The following ZHX3 variants were observed in gnomAD, a reference collection of about 807,000 sequenced individuals.
ZHX3 encodes zinc fingers and homeoboxes 3.
In ZHX3, 20 loss-of-function variants were observed where a neutral mutation model predicts 64.5. The ratio of observed to expected loss-of-function variants is 0.31; its 90% CI spans 0.22 to 0.45. ZHX3 has a LOEUF of 0.45. Among genes scored for constraint, ZHX3 ranks in the 20% least tolerant of loss-of-function variants. The probability of loss-of-function intolerance (pLI) is 1.00; values close to 1 mark genes in which losing one functional copy is unlikely to be tolerated. For synonymous variants in ZHX3, 423 were observed against 461.6 expected (o/e 0.92, Z 1.07); for missense variants, 1,041 against 1,195.8 (o/e 0.87, Z 1.91).
Position 41,203,215 on chromosome 20 carries a change from T to A in ZHX3, c.1702A>T (p.Ile568Phe), listed in dbSNP as rs536280001. The A allele has an allele frequency of 1.2e-6, 2 of 1,614,076 alleles. No homozygotes were observed. Among genetic ancestry groups the A allele is most frequent in the African/African-American group, 2.7e-5 (2 of 74,986 alleles). ...MIPGDHSSIIIDSVPEVSFSP... is the reference protein window; with the variant it reads ...MIPGDHSSIIFDSVPEVSFSP... ...AAGGACACCTCTGGCACAGAGTCAA[T>A]GATGATGGAACTGTGATCTCCAGGT... is the stretch of plus-strand genomic sequence containing the variant. Residue 568 changes from isoleucine (I) to phenylalanine (F), a missense_variant, in exon 3 of 4, where the codon ATT becomes TTT. Ile to Phe is a conservative substitution (Grantham distance 21). Coordinates refer to ENST00000683867, the MANE Select transcript of ZHX3 (RefSeq NM_001384317.1). This position sits in a 1 kb window ranked among gnomAD's most constrained non-coding sequence, Gnocchi z 7.1.
chr20:41,236,268 CTACTT>C (rs1276159540), intron 2 of ZHX3, among the ~76,000 whole-genome samples: 1 of 152,162 alleles, frequency 6.6e-6, no homozygotes, highest in Non-Finnish European at 1.5e-5. Flanking sequence ...TTGGAAAAAA[CTACTT>C]TAAAGGTCAT....
Position 41,203,545 on chromosome 20 carries a change from G to A in ZHX3, c.1372C>T (p.Pro458Ser), listed in dbSNP as rs1181592958. Reference sequence around the variant, plus strand: ...GTATTTGAACACACAGTGTTAATGGGTGCCACACCTGGCTGCTTGGGGACG... The same window carrying A: ...GTATTTGAACACACAGTGTTAATGGATGCCACACCTGGCTGCTTGGGGACG... ...TSVPKQPGVA[P>S]INTVCSNTTS... Residue 458 changes from proline (P) to serine (S), a missense_variant, in exon 3 of 4, where the codon CCC becomes TCC. By Grantham distance (74) the Pro-to-Ser change is moderately conservative. Around this residue, in one of 4 missense-constraint regions of ZHX3, gnomAD observed 649 missense variants for 739.8 expected, o/e 0.88. Transcript: ENST00000683867. This position sits in a 1 kb window ranked among gnomAD's most constrained non-coding sequence, Gnocchi z 7.1. 6.2e-7 allele frequency: 1 copy of A among 1,614,050 alleles called. No homozygotes were observed. The highest frequency in any genetic ancestry group is 1.3e-5 in the African/African-American group (1 of 74,928).
At position 41,271,420 on chromosome 20, in the gene ZHX3, G is replaced by A. The variant is rs1020376637; in HGVS notation, c.-244-2337C>T. Among the ~76,000 whole-genome samples, 7 of 152,156 alleles carry A rather than the reference G, an allele frequency of 4.6e-5. No homozygotes were observed. In the South Asian group the frequency reaches 1.5e-3, roughly 32 times the overall value. ...ATTGCAACACCCTTACTCAACCAAG[G>A]CATTAGAGTTCAGTTGATTGGTTGA... On this transcript the variant is annotated intron_variant, in intron 1 of 3. Coordinates refer to ENST00000683867, the MANE Select transcript of ZHX3 (RefSeq NM_001384317.1).
chr20:41,308,232 C>A (rs1221697035), intron 1 of ZHX3, among the ~76,000 whole-genome samples: 1 of 152,128 alleles, frequency 6.6e-6, no homozygotes, highest in Non-Finnish European at 1.5e-5. Flanking sequence ...TCTCAACTTG[C>A]AAAATGAAAG....
chr20:41,201,312 G>C lies in ZHX3; in HGVS notation c.2860+745C>G, dbSNP rs1600747321. 1.5e-6 allele frequency: 2 copies of C among 1,304,436 alleles called. No individual in the cohort carries two copies. The highest frequency in any genetic ancestry group is 4.6e-5 in the Admixed American group (2 of 43,550). The allele number at this position is 1,304,436 out of a possible 1,614,324, so 80.8% of individuals were successfully genotyped here. A position where few individuals can be genotyped will look rare whatever the true frequency, so the allele number is the denominator to read the frequency against. On this transcript the variant is annotated intron_variant, in intron 3 of 3. Transcript: ENST00000683867. The surrounding 1 kb of genome is among the most constrained non-coding windows in gnomAD (Gnocchi z 5.0). Reference sequence around the variant, plus strand: ...TGAGCTTCTGGCTGCCCTCTGATGGGGTCTCTAATGAGAACACAAATGTCA... The same window carrying C: ...TGAGCTTCTGGCTGCCCTCTGATGGCGTCTCTAATGAGAACACAAATGTCA...
At chr20:41,208,738 C>T (rs1393711654) in intron 2 of ZHX3, among the ~76,000 whole-genome samples, 1 of 152,168 alleles carries the variant, frequency 6.6e-6, no homozygotes, top group Non-Finnish European at 1.5e-5. Context: ...CAATATCATA[C>T]TGAATGGGCA....
intron 2 of ZHX3, among the ~76,000 whole-genome samples, chr20:41,243,649 G>A (rs758259386): frequency 2.6e-5 from 4 of 152,082 alleles, no homozygotes; most frequent in Non-Finnish European, 4.4e-5. Context: ...ACTGACTCCC[G>A]TAGTGCTGAG....
intron 1 of ZHX3, chr20:41,299,850 G>A (rs2044729345): frequency 8.3e-6 from 1 of 120,882 alleles, no homozygotes; most frequent in Non-Finnish European, 1.6e-5. Flanking sequence ...GCGACAGAAG[G>A]AGAAGAAGGA....
At chr20:41,235,319 A>G (rs1012471075) in intron 2 of ZHX3, among the ~76,000 whole-genome samples, 57 of 152,230 alleles carry the variant, frequency 3.7e-4, no homozygotes, top group Non-Finnish European at 6.2e-4. Flanking sequence ...ACACAATAAA[A>G]AAAGAGAATT....
At chr20:41,284,395 G>C (rs774059300) in intron 1 of ZHX3, among the ~76,000 whole-genome samples, 31 of 152,040 alleles carry the variant, frequency 2.0e-4, no homozygotes, top group Non-Finnish European at 3.8e-4. Context: ...TCTCCTCTTG[G>C]ATGGCCCACT....
intron 1 of ZHX3, among the ~76,000 whole-genome samples, chr20:41,285,412 T>A (rs1275273660): frequency 1.3e-5 from 2 of 152,242 alleles, no homozygotes; most frequent in African/African-American, 4.8e-5. Context: ...ATCTTCTAAA[T>A]GTTGCTGCTA....
Position 41,203,486 on chromosome 20 carries a change from C to A in ZHX3, c.1431G>T (p.Gln477His), listed in dbSNP as rs762009300. The A allele has an allele frequency of 1.2e-6, 2 of 1,614,210 alleles. No individual in the cohort carries two copies. The highest frequency in any genetic ancestry group is 8.5e-7 in the Non-Finnish European group (1 of 1,180,032). Residue 477 changes from glutamine (Q) to histidine (H), a missense_variant, in exon 3 of 4, where the codon CAG (glutamine) becomes CAT (histidine). Transcript: ENST00000683867. The surrounding 1 kb of genome is among the most constrained non-coding windows in gnomAD (Gnocchi z 7.1). ...TSAVKVVNAAQSLLTACPSIT... is the reference protein window; with the variant it reads ...TSAVKVVNAAHSLLTACPSIT... ...TGCTGGGGCAGGCCGTGAGGAGCGA[C>A]TGGGCCGCATTGACCACCTTCACAG...
At position 41,203,086 on chromosome 20, in the gene ZHX3, A is replaced by C; in HGVS notation, c.1831T>G (p.Phe611Val). The C allele has an allele frequency of 6.2e-7, 1 of 1,614,080 alleles. No homozygotes were observed. The highest frequency in any genetic ancestry group is 1.1e-5 in the South Asian group (1 of 91,080). Residue 611 changes from phenylalanine (F) to valine (V), a missense_variant, in exon 3 of 4, where the codon TTC becomes GTC. Transcript: ENST00000683867. This position sits in a 1 kb window ranked among gnomAD's most constrained non-coding sequence, Gnocchi z 7.1. Reference sequence around the variant, plus strand: ...CTCTCCTTGTATTTGGTTGGTGTGAAGTCAGGAGTCTGGTGCCAAGATTGT... The same window carrying C: ...CTCTCCTTGTATTTGGTTGGTGTGACGTCAGGAGTCTGGTGCCAAGATTGT... ...KRQSWHQTPD[F>V]TPTKYKERAP...
chr20:41,210,231 A>G (rs533255852), intron 2 of ZHX3, among the ~76,000 whole-genome samples: 1 of 152,190 alleles, frequency 6.6e-6, no homozygotes, highest in African/African-American at 2.4e-5. Context: ...AAATAGGAAC[A>G]CTTTTACACT....
chr20:41,305,644 C>T (rs774315992), intron 1 of ZHX3, among the ~76,000 whole-genome samples: 2 of 151,826 alleles, frequency 1.3e-5, no homozygotes, highest in Admixed American at 6.6e-5. Context: ...ATTAGCCAGG[C>T]GTGGTGGCGG....
At chr20:41,192,190 T>A (rs953066955) in intron 3 of ZHX3, among the ~76,000 whole-genome samples, 1 of 152,120 alleles carries the variant, frequency 6.6e-6, no homozygotes, top group Non-Finnish European at 1.5e-5. Context: ...ATACAGGTAG[T>A]AGTGGCCAAG....
chr20:41,217,887 C>G (rs571638473), intron 2 of ZHX3, among the ~76,000 whole-genome samples: 14 of 152,306 alleles, frequency 9.2e-5, no homozygotes, highest in African/African-American at 3.4e-4. Flanking sequence ...TATATTCATT[C>G]TGAATACCAA....
chr20:41,193,264 C>A (rs951841503), intron 3 of ZHX3, among the ~76,000 whole-genome samples: 1 of 152,186 alleles, frequency 6.6e-6, no homozygotes, highest in African/African-American at 2.4e-5. Context: ...GTCACGTCTA[C>A]ATCTTAATAT....
At chr20:41,291,300 T>C (rs2044225201) in intron 1 of ZHX3, among the ~76,000 whole-genome samples, 1 of 152,124 alleles carries the variant, frequency 6.6e-6, no homozygotes, top group African/African-American at 2.4e-5. Context: ...CTTAAAAATA[T>C]GTGGAAGTAG....
Sources: gnomAD v4.1 joint callset for allele counts (sites outside exome capture counted in the v4.1 genomes callset) on GRCh38, gnomAD v4.1.1 for gene constraint, gnomAD v4.1.1 regional missense constraint, Gnocchi (gnomAD v3.1) non-coding constraint, MANE v1.5 for transcripts, NCBI Gene and HGNC (gene_info 2026-07-23, HGNC 2026-07-21) for gene names.